Variants in DACH2 observed in about 807,000 individuals in gnomAD.
DACH2 encodes the protein dachshund homolog 2.
In DACH2, 17 loss-of-function variants were observed where a neutral mutation model predicts 35.8. The observed-to-expected ratio is 0.48, with a 90% CI of 0.33 to 0.71. DACH2 has a LOEUF of 0.71. Among genes scored for constraint, DACH2 ranks in the 30% least tolerant of loss-of-function variants. The pLI is 0.02. For missense variants in DACH2, 469 were observed against 472.7 expected (o/e 0.99, Z 0.07); for synonymous variants, 195 against 177.3 (o/e 1.10, Z -0.79).
chrX:86,830,231 C>T (rs1185745246), intron 11 of DACH2: 3 of 111,747 alleles, frequency 2.7e-5, no homozygotes, highest in Admixed American at 1.9e-4. Flanking sequence ...CTCCAAGGAT[C>T]AGTGTCAGCA....
intron 2 of DACH2, among the ~76,000 whole-genome samples, chrX:86,487,151 A>G (rs1190337310): frequency 9.0e-6 from 1 of 111,535 alleles, no homozygotes; most frequent in Non-Finnish European, 1.9e-5. Flanking sequence ...ATCAGAACAT[A>G]GAAGCTAGCT....
At chrX:86,535,720 C>A (rs1351492970) in intron 3 of DACH2, among the ~76,000 whole-genome samples, 5 of 109,904 alleles carry the variant, frequency 4.5e-5, no homozygotes, top group African/African-American at 1.7e-4. Context: ...GAAAAAAAAA[C>A]GGTAGGCTTT....
At chrX:86,754,071 C>T (rs931399385) in intron 7 of DACH2, among the ~76,000 whole-genome samples, 1 of 111,338 alleles carries the variant, frequency 9.0e-6, no homozygotes, top group Non-Finnish European at 1.9e-5. Context: ...TCTGAGCTGC[C>T]TAGGGAATTA....
intron 4 of DACH2, among the ~76,000 whole-genome samples, chrX:86,686,534 GA>G (rs761606811): frequency 1.1e-3 from 119 of 111,029 alleles, no homozygotes; most frequent in African/African-American, 3.7e-3. Context: ...CCCAGTAATT[GA>G]AGGGTATTTT....
intron 11 of DACH2, among the ~76,000 whole-genome samples, chrX:86,817,941 A>C (rs1231989333): frequency 8.9e-6 from 1 of 112,206 alleles, no homozygotes; most frequent in African/African-American, 3.2e-5. Context: ...AATATGAGAT[A>C]GTTAGATTCA....
At chrX:86,310,974 C>T (rs1375258631) in intron 1 of DACH2, among the ~76,000 whole-genome samples, 1 of 111,336 alleles carries the variant, frequency 9.0e-6, no homozygotes, top group Non-Finnish European at 1.9e-5. Context: ...TGCATGGGCT[C>T]AGCAACATGA....
intron 1 of DACH2, among the ~76,000 whole-genome samples, chrX:86,228,710 A>T (rs1466510329): frequency 1.8e-5 from 2 of 111,557 alleles, no homozygotes; most frequent in African/African-American, 6.5e-5. Context: ...TTTCCTGATT[A>T]TTAGTGATGT....
intron 3 of DACH2, among the ~76,000 whole-genome samples, chrX:86,611,376 G>T (rs755433906): frequency 1.0e-4 from 11 of 109,843 alleles, no homozygotes; most frequent in Non-Finnish European, 1.9e-4. Context: ...GCCACCTGGG[G>T]TTGGGAGAGA....
intron 2 of DACH2, among the ~76,000 whole-genome samples, chrX:86,383,878 T>G (rs2036084884): frequency 9.0e-6 from 1 of 110,528 alleles, no homozygotes; most frequent in South Asian, 3.8e-4. Flanking sequence ...CTAAAATTTC[T>G]TAGCCACGTG....
intron 3 of DACH2, among the ~76,000 whole-genome samples, chrX:86,521,065 C>T (rs1177298588): frequency 9.0e-6 from 1 of 111,571 alleles, no homozygotes; most frequent in African/African-American, 3.3e-5. Context: ...GCTTAGTGCT[C>T]CTTTCAAGAT....
chrX:86,451,879 C>A (rs189544566), intron 2 of DACH2, among the ~76,000 whole-genome samples: 5 of 111,363 alleles, frequency 4.5e-5, no homozygotes, highest in African/African-American at 6.5e-5. Context: ...ACTTCCAATA[C>A]TATGTTCAAT....
intron 3 of DACH2, among the ~76,000 whole-genome samples, chrX:86,581,583 A>C (rs150423633): frequency 3.7e-4 from 41 of 111,553 alleles, no homozygotes; most frequent in African/African-American, 1.3e-3. Context: ...AGGGGTTGCT[A>C]TTGTAATTTT....
At chrX:86,400,820 G>A (rs2036412522) in intron 2 of DACH2, among the ~76,000 whole-genome samples, 1 of 112,256 alleles carries the variant, frequency 8.9e-6, no homozygotes, top group Non-Finnish European at 1.9e-5. Context: ...AGGCTACTCG[G>A]GGGTCAGGGA....
chrX:86,284,270 C>G (rs1331125174), intron 1 of DACH2, among the ~76,000 whole-genome samples: 1 of 111,123 alleles, frequency 9.0e-6, no homozygotes, highest in East Asian at 2.8e-4. Context: ...TCTTTCTATC[C>G]CCAGATTTTT....
intron 7 of DACH2, among the ~76,000 whole-genome samples, chrX:86,751,735 AAAG>A (rs1245297349): frequency 9.9e-5 from 11 of 111,674 alleles, no homozygotes; most frequent in African/African-American, 3.6e-4. Context: ...TAGGAAAAAA[AAAG>A]AAAGTATGCA....
chrX:86,631,196 T>C (rs1176639903), intron 3 of DACH2, among the ~76,000 whole-genome samples: 1 of 112,208 alleles, frequency 8.9e-6, no homozygotes, highest in Non-Finnish European at 1.9e-5. Context: ...TCTTCATTTG[T>C]TTAGCCTATA....
At chrX:86,727,667 G>T (rs2041485333) in intron 6 of DACH2, among the ~76,000 whole-genome samples, 1 of 110,301 alleles carries the variant, frequency 9.1e-6, no homozygotes, top group South Asian at 3.9e-4. Context: ...TTAAAAGGGT[G>T]TGGCACGTGC....
In DACH2 at chrX:86,538,791, T is replaced by A. The variant is rs1195173011; in HGVS notation, c.640+24400T>A. On this transcript the variant is annotated intron_variant, in intron 3 of 11. Transcript: ENST00000373125. ...CTTTGGGGATTACATGTTGATCACATGCTTTTTGGGAGACATATTCAAACT... is the reference window on the plus strand; with the variant it reads ...CTTTGGGGATTACATGTTGATCACAAGCTTTTTGGGAGACATATTCAAACT... 3.6e-5 allele frequency among the ~76,000 whole-genome samples: 4 copies of A among 111,962 alleles called. No individual in the cohort carries two copies. In the South Asian group the frequency reaches 1.5e-3, roughly 42 times the overall value.
chrX:86,821,693 T>C (rs1292547634), intron 11 of DACH2, among the ~76,000 whole-genome samples: 1 of 111,236 alleles, frequency 9.0e-6, no homozygotes, highest in Non-Finnish European at 1.9e-5. Context: ...GTTCAGGGCC[T>C]GGTTGTCAAG....
Sources: gnomAD v4.1 joint callset for allele counts (sites outside exome capture counted in the v4.1 genomes callset) on GRCh38, gnomAD v4.1.1 for gene constraint, MANE v1.5 for transcripts, NCBI Gene and HGNC (gene_info 2026-07-23, HGNC 2026-07-21) for gene names.